The following AMPH variants were observed in gnomAD, a reference collection of about 807,000 sequenced individuals.
AMPH encodes amphiphysin (Stiff-Mann syndrome with breast cancer 128kD autoantigen).
In AMPH, 49 loss-of-function variants were observed where a neutral mutation model predicts 99.1. The observed-to-expected ratio is 0.49, with a 90% CI of 0.39 to 0.63. AMPH has a LOEUF of 0.63. Among genes scored for constraint, AMPH ranks in the 20% least tolerant of loss-of-function variants. The pLI is 0.00. For synonymous variants in AMPH, 314 were observed against 317.3 expected (o/e 0.99, Z 0.11); for missense variants, 759 against 863.4 (o/e 0.88, Z 1.52).
Position 38,418,000 on chromosome 7 carries a change from T to C in AMPH, c.1273-50A>G, listed in dbSNP as rs1465007043. 6 of 1,587,090 alleles carry C rather than the reference T, an allele frequency of 3.8e-6. No individual in the cohort carries two copies. In the East Asian group the frequency reaches 6.7e-5, roughly 18 times the overall value. On this transcript the variant is annotated intron_variant, in intron 16 of 20. Coordinates refer to ENST00000356264, the MANE Select transcript of AMPH (RefSeq NM_001635.4). Reference sequence around the variant, plus strand: ...AGAGGAAAAAGATTCAACAGGTAAATAGATAACATTACAGAATACTGGACA... The same window carrying C: ...AGAGGAAAAAGATTCAACAGGTAAACAGATAACATTACAGAATACTGGACA...
rs1165291563 is a variant in AMPH at position 38,386,855 on chromosome 7, T to TCC, written c.1981-1931_1981-1930insGG. 2.6e-5 allele frequency among the ~76,000 whole-genome samples: 4 copies of TCC among 152,252 alleles called. No homozygotes were observed. The East Asian group carries it at 7.7e-4, about 29-fold the overall frequency. Reference sequence around the variant, plus strand: ...AAGTAGAGAACTGCAAGGGGTGAGATCTATGCTGATACAGCTTTTCCCCTG... The same window carrying TCC: ...AAGTAGAGAACTGCAAGGGGTGAGATCCCTATGCTGATACAGCTTTTCCCCTG... On this transcript the variant is annotated intron_variant, in intron 20 of 20. Transcript: ENST00000356264.
At chr7:38,533,007 T>A (rs1042103730) in intron 2 of AMPH, among the ~76,000 whole-genome samples, 16 of 152,322 alleles carry the variant, frequency 1.1e-4, no homozygotes, top group Admixed American at 2.0e-4. Context: ...ACTTCTTCAA[T>A]CTAAATCCAA....
chr7:38,607,680 C>T (rs1793481227), intron 1 of AMPH, among the ~76,000 whole-genome samples: 1 of 152,154 alleles, frequency 6.6e-6, no homozygotes, highest in East Asian at 1.9e-4. Context: ...ATATCTATGA[C>T]TGCACAATAA....
intron 5 of AMPH, among the ~76,000 whole-genome samples, chr7:38,479,909 G>A (rs1219873363): frequency 6.6e-6 from 1 of 152,024 alleles, no homozygotes; most frequent in African/African-American, 2.4e-5. Flanking sequence ...CCTACACTAA[G>A]AGATTCTGAT....
chr7:38,566,715 A>G (rs1406739003), intron 1 of AMPH, among the ~76,000 whole-genome samples: 1 of 152,230 alleles, frequency 6.6e-6, no homozygotes, highest in East Asian at 1.9e-4. Flanking sequence ...AAAAACATCA[A>G]AAAGTGGGTA....
chr7:38,515,451 A>G (rs1479110782), intron 2 of AMPH, among the ~76,000 whole-genome samples: 2 of 152,162 alleles, frequency 1.3e-5, no homozygotes, highest in Non-Finnish European at 2.9e-5. Flanking sequence ...CAAGTAAGAT[A>G]TGCCTCCTTC....
chr7:38,518,415 C>A (rs1005636611), intron 2 of AMPH, among the ~76,000 whole-genome samples: 5 of 152,172 alleles, frequency 3.3e-5, no homozygotes, highest in Non-Finnish European at 5.9e-5. Flanking sequence ...CTGAGCCTAG[C>A]AAAGTCACGG....
intron 1 of AMPH, among the ~76,000 whole-genome samples, chr7:38,615,580 C>T (rs1303072950): frequency 6.6e-6 from 1 of 152,042 alleles, no homozygotes; most frequent in African/African-American, 2.4e-5. Context: ...AGAAAATATA[C>T]CCCAATTTTC....
intron 6 of AMPH, among the ~76,000 whole-genome samples, chr7:38,476,357 A>G (rs1030817412): frequency 2.0e-5 from 3 of 152,246 alleles, no homozygotes; most frequent in Non-Finnish European, 4.4e-5. Context: ...AGGAAAAGGC[A>G]TGACTGGAAG....
intron 1 of AMPH, among the ~76,000 whole-genome samples, chr7:38,542,365 T>C (rs1456993425): frequency 6.6e-6 from 1 of 152,220 alleles, no homozygotes; most frequent in Admixed American, 6.5e-5. Context: ...CTCATGTCAT[T>C]ATTGCACAGA....
At chr7:38,486,313 T>C (rs952187226) in intron 5 of AMPH, among the ~76,000 whole-genome samples, 5 of 151,744 alleles carry the variant, frequency 3.3e-5, no homozygotes, top group Non-Finnish European at 5.9e-5. Context: ...GAACAGTATA[T>C]ACTGGCAAAC....
chr7:38,604,734 T>C (rs1793369602), intron 1 of AMPH, among the ~76,000 whole-genome samples: 2 of 152,354 alleles, frequency 1.3e-5, no homozygotes, highest in South Asian at 2.1e-4. Context: ...AAATGAACTA[T>C]GTTCCCTCTT....
chr7:38,489,088 A>C (rs1369244495), intron 5 of AMPH, among the ~76,000 whole-genome samples: 1 of 152,222 alleles, frequency 6.6e-6, no homozygotes, highest in Non-Finnish European at 1.5e-5. Flanking sequence ...TTCTTATTTC[A>C]AAATTTGTTA....
At chr7:38,485,957 G>A (rs1177774287) in intron 5 of AMPH, among the ~76,000 whole-genome samples, 1 of 151,892 alleles carries the variant, frequency 6.6e-6, no homozygotes, top group Admixed American at 6.6e-5. Flanking sequence ...AGAAAAAGCT[G>A]TACTAAGTGG....
intron 7 of AMPH, among the ~76,000 whole-genome samples, chr7:38,471,787 G>T (rs558722265): frequency 2.0e-5 from 3 of 152,070 alleles, no homozygotes; most frequent in African/African-American, 7.2e-5. Flanking sequence ...GTTTAAAAAT[G>T]GAAAAAATAA....
intron 3 of AMPH, 88 bp from the exon 4 acceptor site, chr7:38,494,615 A>C: frequency 8.7e-7 from 1 of 1,147,960 alleles, no homozygotes; most frequent in East Asian, 2.4e-5. Context: ...TGAGAGAAAA[A>C]TATTGTACTT....
At chr7:38,555,438 A>T (rs2129047231) in intron 1 of AMPH, among the ~76,000 whole-genome samples, 1 of 152,144 alleles carries the variant, frequency 6.6e-6, no homozygotes, top group Admixed American at 6.5e-5. Context: ...CATAAATAAT[A>T]AAGCAGTTCT....
At chr7:38,587,375 G>C (rs1040298861) in intron 1 of AMPH, among the ~76,000 whole-genome samples, 2 of 152,154 alleles carry the variant, frequency 1.3e-5, no homozygotes, top group Admixed American at 6.5e-5. Context: ...CTTCAGAAGA[G>C]GTGGTTCCAG....
chr7:38,559,371 C>A (rs1197532667), intron 1 of AMPH, among the ~76,000 whole-genome samples: 1 of 152,216 alleles, frequency 6.6e-6, no homozygotes, highest in Non-Finnish European at 1.5e-5. Context: ...GGCCGGAGAA[C>A]AACAGACAGT....
Sources: gnomAD v4.1 joint callset for allele counts (sites outside exome capture counted in the v4.1 genomes callset) on GRCh38, gnomAD v4.1.1 for gene constraint, MANE v1.5 for transcripts, NCBI Gene and HGNC (gene_info 2026-07-23, HGNC 2026-07-21) for gene names.